Variants in SMYD3 observed in about 807,000 individuals in gnomAD.
The protein encoded by SMYD3 is SET and MYND domain containing 3, also known as histone-lysine N-methyltransferase SMYD3.
Under a neutral mutation model 57.7 loss-of-function variants are expected in SMYD3, and 36 were observed. That is an observed-to-expected ratio of 0.62 (90% confidence interval 0.48 to 0.82). The LOEUF (loss-of-function observed/expected upper bound fraction) is 0.82, where lower values mean the gene tolerates loss of function less well. SMYD3 is among the 40% of genes least tolerant of loss of function. The pLI is 0.00. For synonymous variants in SMYD3, 211 were observed against 195.0 expected (o/e 1.08, Z -0.68); for missense variants, 515 against 538.8 (o/e 0.96, Z 0.44).
intron 7 of SMYD3, among the ~76,000 whole-genome samples, chr1:245,917,206 A>G (rs2055497437): frequency 6.6e-6 from 1 of 151,894 alleles, no homozygotes; most frequent in Non-Finnish European, 1.5e-5. Flanking sequence ...AATTTTCTGT[A>G]TTTCTTGTAG....
chr1:245,994,702 A>G (rs6667645), intron 5 of SMYD3, among the ~76,000 whole-genome samples: 4,649 of 152,162 alleles, frequency 0.031, 232 homozygotes, highest in African/African-American at 0.11. Context: ...GCATATGTTT[A>G]ATTTACCACT....
intron 1 of SMYD3, among the ~76,000 whole-genome samples, chr1:246,427,006 C>T (rs2103004306): frequency 6.6e-6 from 1 of 152,232 alleles, no homozygotes; most frequent in African/African-American, 2.4e-5. Flanking sequence ...AACCACTGAA[C>T]TCCTTTGAAA....
chr1:246,031,786 T>C (rs1034767180), intron 5 of SMYD3, among the ~76,000 whole-genome samples: 11 of 151,838 alleles, frequency 7.2e-5, no homozygotes, highest in African/African-American at 2.7e-4. Flanking sequence ...AGGGTTTTAC[T>C]GCTATGAAGA....
intron 1 of SMYD3, among the ~76,000 whole-genome samples, chr1:246,421,685 A>G (rs1334795595): frequency 6.6e-6 from 1 of 152,248 alleles, no homozygotes; most frequent in Admixed American, 6.5e-5. Context: ...GTAAAATAGA[A>G]GAGATGATTA....
intron 9 of SMYD3, among the ~76,000 whole-genome samples, chr1:245,862,205 C>T (rs903535245): frequency 8.5e-5 from 13 of 152,182 alleles, no homozygotes; most frequent in African/African-American, 2.9e-4. Flanking sequence ...CTTTTTAATA[C>T]TTCCCACCTC....
intron 10 of SMYD3, among the ~76,000 whole-genome samples, chr1:245,827,083 C>A (rs574455246): frequency 1.3e-5 from 2 of 152,168 alleles, no homozygotes; most frequent in East Asian, 1.9e-4. Context: ...ACTCACACTG[C>A]GCTAACGGAG....
chr1:246,070,377 C>A (rs1382796294), intron 5 of SMYD3, among the ~76,000 whole-genome samples: 1 of 152,210 alleles, frequency 6.6e-6, no homozygotes, highest in African/African-American at 2.4e-5. Flanking sequence ...GCCAGAAATA[C>A]ATCTGGGCAT....
intron 5 of SMYD3, among the ~76,000 whole-genome samples, chr1:246,207,554 T>A (rs2063019546): frequency 1.3e-5 from 2 of 151,900 alleles, no homozygotes; most frequent in African/African-American, 4.8e-5. Flanking sequence ...GAGTATAAGC[T>A]AAAGGAAAGG....
chr1:246,102,377 C>G (rs555578572), intron 5 of SMYD3, among the ~76,000 whole-genome samples: 13 of 152,274 alleles, frequency 8.5e-5, no homozygotes, highest in Non-Finnish European at 1.5e-5. Flanking sequence ...CTCAGATCCC[C>G]TTCTCCATAA....
intron 5 of SMYD3, among the ~76,000 whole-genome samples, chr1:246,142,609 T>C (rs1317148764): frequency 6.6e-6 from 1 of 152,116 alleles, no homozygotes; most frequent in African/African-American, 2.4e-5. Context: ...ATGATTCATG[T>C]CCCGGGGGAT....
intron 5 of SMYD3, among the ~76,000 whole-genome samples, chr1:246,308,964 A>T (rs532536964): frequency 5.3e-5 from 8 of 152,288 alleles, no homozygotes; most frequent in African/African-American, 1.7e-4. Context: ...AGATAGTAAG[A>T]TTTTATTATC....
chr1:246,225,345 A>AAC (rs1558328874), intron 5 of SMYD3, among the ~76,000 whole-genome samples: 10 of 141,354 alleles, frequency 7.1e-5, no homozygotes, highest in African/African-American at 2.8e-4. Context: ...AAAAAAAAAA[A>AAC]AAAAAAAAAA....
chr1:245,765,989 TTC>T (rs2046076270), intron 10 of SMYD3, among the ~76,000 whole-genome samples: 1 of 152,218 alleles, frequency 6.6e-6, no homozygotes, highest in Admixed American at 6.5e-5. Flanking sequence ...ATCTTAACTC[TTC>T]CTCCCATGAA....
intron 5 of SMYD3, among the ~76,000 whole-genome samples, chr1:246,092,207 G>C (rs567750353): frequency 2.0e-5 from 3 of 152,180 alleles, no homozygotes; most frequent in African/African-American, 7.2e-5. Context: ...CATTTTAAGT[G>C]CTTATTTTTT....
At chr1:245,837,099 G>C (rs557122277) in intron 10 of SMYD3, among the ~76,000 whole-genome samples, 3 of 152,072 alleles carry the variant, frequency 2.0e-5, no homozygotes, top group Non-Finnish European at 4.4e-5. Flanking sequence ...AGGCTGAGTG[G>C]ACAGATCACC....
intron 5 of SMYD3, among the ~76,000 whole-genome samples, chr1:246,306,242 G>T (rs537614778): frequency 1.3e-5 from 2 of 152,240 alleles, no homozygotes; most frequent in South Asian, 4.2e-4. Context: ...AGCTACTTGG[G>T]AGGCTGAGGC....
intron 1 of SMYD3, among the ~76,000 whole-genome samples, chr1:246,366,851 A>T (rs1461553795): frequency 3.3e-5 from 5 of 150,922 alleles, no homozygotes; most frequent in Non-Finnish European, 5.9e-5. Context: ...GAATCGCTTG[A>T]ACCTGGGAGG....
At chr1:246,337,131 G>A (rs2065555131) in intron 2 of SMYD3, among the ~76,000 whole-genome samples, 1 of 152,114 alleles carries the variant, frequency 6.6e-6, no homozygotes, top group South Asian at 2.1e-4. Context: ...TGTTGCTCAG[G>A]GGGCTAGTCC....
At position 245,921,549 on chromosome 1, in the gene SMYD3, G is replaced by GTATA. The variant is rs143521072; in HGVS notation, c.703-5913_703-5910dup. ...TCAACAGTGAGCTAAAAAATGTGGT[G>GTATA]TATATATATATATATATATATACAC... is the stretch of plus-strand genomic sequence containing the variant. On this transcript the variant is annotated intron_variant, in intron 7 of 11. Coordinates refer to ENST00000490107, the MANE Select transcript of SMYD3 (RefSeq NM_001167740.2). 7.8e-3 allele frequency among the ~76,000 whole-genome samples: 1,108 copies of GTATA among 141,368 alleles called. 32 individuals carry two copies. The highest frequency in any genetic ancestry group is 0.045 in the Admixed American group (648 of 14,260). 92.7% of individuals were successfully genotyped at this position (141,368 alleles called of 152,430 possible).
Sources: allele counts gnomAD v4.1 joint callset (sites outside exome capture counted in the v4.1 genomes callset), GRCh38; gene constraint gnomAD v4.1.1; transcripts MANE v1.5; gene names NCBI Gene and HGNC (gene_info 2026-07-23, HGNC 2026-07-21).